ABHD12: variants seen among roughly 807,000 people sequenced by gnomAD.
The protein encoded by ABHD12 is abhydrolase domain containing 12, lysophospholipase, also known as lysophosphatidylserine lipase ABHD12.
Under a neutral mutation model 58.3 loss-of-function variants are expected in ABHD12, and 43 were observed. The observed-to-expected ratio is 0.74, with a 90% CI of 0.58 to 0.95. The LOEUF (loss-of-function observed/expected upper bound fraction) is 0.95. ABHD12 is among the 40% of genes least tolerant of loss of function. The pLI is 0.00. For missense variants in ABHD12, 539 were observed against 537.2 expected, an observed-to-expected ratio of 1.00 and a Z score of -0.03; for synonymous variants, 219 against 211.2, an observed-to-expected ratio of 1.04 and a Z score of -0.32.
intron 1 of ABHD12, among the ~76,000 whole-genome samples, chr20:25,351,432 AGTGT>A (rs1439647024): frequency 6.6e-6 from 1 of 152,218 alleles, no homozygotes; most frequent in Non-Finnish European, 1.5e-5. Context: ...TCTGTTTCAC[AGTGT>A]GTGTCTTGTT....
At chr20:25,375,663 TTGTC>T (rs1381610171) in intron 1 of ABHD12, among the ~76,000 whole-genome samples, 4 of 150,772 alleles carry the variant, frequency 2.7e-5, no homozygotes, top group Admixed American at 1.3e-4. Flanking sequence ...CTCACTTCCT[TTGTC>T]TGTCACTTCT....
At chr20:25,384,952 CAT>C (rs914439835) in intron 1 of ABHD12, among the ~76,000 whole-genome samples, 19 of 152,070 alleles carry the variant, frequency 1.2e-4, no homozygotes, top group Admixed American at 3.3e-4. Context: ...GAGCACAAAA[CAT>C]GTGTGTGTGT....
intron 2 of ABHD12, among the ~76,000 whole-genome samples, chr20:25,337,160 G>A (rs965588344): frequency 1.3e-5 from 2 of 152,208 alleles, no homozygotes; most frequent in African/African-American, 4.8e-5. Context: ...CAGCAACTCA[G>A]GAGGCTAAGG....
chr20:25,327,696 G>A (rs549329930), intron 2 of ABHD12, among the ~76,000 whole-genome samples: 228 of 152,268 alleles, frequency 1.5e-3, no homozygotes, highest in African/African-American at 5.3e-3. Context: ...GGACTAGACT[G>A]CCTTTATAGG....
intron 2 of ABHD12, among the ~76,000 whole-genome samples, chr20:25,330,478 T>A (rs568606033): frequency 7.6e-4 from 116 of 152,362 alleles, no homozygotes; most frequent in Non-Finnish European, 1.1e-3. Context: ...CAAGGAGGTC[T>A]GCCTGCCTCT....
chr20:25,315,372 T>A (rs530381213), intron 5 of ABHD12, among the ~76,000 whole-genome samples: 2 of 152,332 alleles, frequency 1.3e-5, no homozygotes, highest in East Asian at 3.9e-4. Flanking sequence ...AGACCCCATC[T>A]GGGGACCCTT....
chr20:25,331,155 T>G (rs1467756667), intron 2 of ABHD12, among the ~76,000 whole-genome samples: 2 of 152,142 alleles, frequency 1.3e-5, no homozygotes, highest in Admixed American at 1.3e-4. Context: ...GCTCGAGAAC[T>G]ACGTGAAGAA....
chr20:25,323,512 C>T (rs1416931799), intron 2 of ABHD12, 82 bp from the exon 3 acceptor site: 11 of 880,782 alleles, frequency 1.2e-5, no homozygotes, highest in South Asian at 6.6e-5. Context: ...TACTCACACA[C>T]GTGCACAGAT....
At chr20:25,368,581 T>C in intron 1 of ABHD12, 1 of 1,400,374 alleles carries the variant, frequency 7.1e-7, no homozygotes, top group Non-Finnish European at 1.0e-6. Context: ...GTCACCACCC[T>C]GATACATAAA....
intron 1 of ABHD12, among the ~76,000 whole-genome samples, chr20:25,358,368 C>T (rs2089696395): frequency 2.0e-5 from 3 of 152,198 alleles, no homozygotes; most frequent in Non-Finnish European, 4.4e-5. Context: ...AAGTCAGTGA[C>T]TATTCTTCTA....
intron 1 of ABHD12, among the ~76,000 whole-genome samples, chr20:25,365,613 G>A (rs1436270072): frequency 6.6e-6 from 1 of 152,194 alleles, no homozygotes; most frequent in Non-Finnish European, 1.5e-5. Context: ...CAAAGAGTAA[G>A]TGCATCTATA....
At chr20:25,302,486 C>G in intron 11 of ABHD12, 140 bp from the exon 12 acceptor site, 2 of 1,157,930 alleles carry the variant, frequency 1.7e-6, no homozygotes, top group East Asian at 2.5e-5. Context: ...CAGCCGGTCA[C>G]GACCAGGAGG....
chr20:25,351,536 T>C (rs566655358), intron 1 of ABHD12, among the ~76,000 whole-genome samples: 1 of 152,370 alleles, frequency 6.6e-6, no homozygotes, highest in African/African-American at 2.4e-5. Flanking sequence ...AAAATACTGA[T>C]GCTTGGGACT....
chr20:25,368,743 T>C lies in ABHD12; in HGVS notation c.191+21770A>G, dbSNP rs1046149789. The C allele has an allele frequency of 1.5e-5, 16 of 1,090,346 alleles. 1 individual carries two copies. Among genetic ancestry groups the C allele is most frequent in the Non-Finnish European group, 1.9e-5 (14 of 718,446 alleles). 67.5% of individuals were successfully genotyped at this position (1,090,346 alleles called of 1,614,324 possible). ...CAAGGGCTTGCCTTCGTCAGCAATG[T>C]TGAAGAACAGTGGGGTTGACCATGG... On this transcript the variant is annotated intron_variant, in intron 1 of 12. Coordinates refer to ENST00000339157, the MANE Select transcript of ABHD12 (RefSeq NM_001042472.3).
intron 11 of ABHD12, chr20:25,303,344 C>A: frequency 6.8e-7 from 1 of 1,469,660 alleles, no homozygotes; most frequent in Non-Finnish European, 9.0e-7. Flanking sequence ...CCAACCTTTA[C>A]ACCAGACCTC....
chr20:25,345,655 C>T (rs1209337722), intron 1 of ABHD12, among the ~76,000 whole-genome samples: 1 of 152,094 alleles, frequency 6.6e-6, no homozygotes, highest in Non-Finnish European at 1.5e-5. Flanking sequence ...GACACCTCTC[C>T]AAAGAAGATA....
In ABHD12 at chr20:25,308,514, G is replaced by A. The variant is rs1600770527; in HGVS notation, c.750-20C>T. On this transcript the variant is annotated intron_variant, in intron 7 of 12. Transcript: ENST00000339157. Reference sequence around the variant, plus strand: ...GCCACGCTAGGAAAAAAGAAAAACAGCTTAGTTGAGTTATGATAAAATTGT... The same window carrying A: ...GCCACGCTAGGAAAAAAGAAAAACAACTTAGTTGAGTTATGATAAAATTGT... 1 of 1,603,404 alleles carries A rather than the reference G, an allele frequency of 6.2e-7. No individual in the cohort carries two copies. The highest frequency in any genetic ancestry group is 8.5e-7 in the Non-Finnish European group (1 of 1,174,404).
intron 4 of ABHD12, among the ~76,000 whole-genome samples, chr20:25,318,287 C>T (rs2089000182): frequency 6.8e-6 from 1 of 147,210 alleles, no homozygotes; most frequent in African/African-American, 2.5e-5. Context: ...TGCACTCCAG[C>T]CTGGGCAACA....
chr20:25,318,176 A>C (rs989334481), intron 4 of ABHD12, among the ~76,000 whole-genome samples: 1 of 152,126 alleles, frequency 6.6e-6, no homozygotes, highest in Non-Finnish European at 1.5e-5. Context: ...TTAGCTGGCC[A>C]TGGTGGTGGG....
Sources: gnomAD v4.1 joint callset for allele counts (sites outside exome capture counted in the v4.1 genomes callset) on GRCh38, gnomAD v4.1.1 for gene constraint, MANE v1.5 for transcripts, NCBI Gene and HGNC (gene_info 2026-07-23, HGNC 2026-07-21) for gene names.